Variants in RBFOX1 observed in about 807,000 individuals in gnomAD.
RBFOX1 encodes RNA binding fox-1 homolog 1.
RBFOX1 carries 8 observed loss-of-function variants against 57.7 expected under a neutral mutation model. That is an observed-to-expected ratio of 0.14 (90% CI 0.08 to 0.25). The LOEUF (loss-of-function observed/expected upper bound fraction) is 0.25, where lower values mean the gene tolerates loss of function less well. Among genes scored for constraint, RBFOX1 ranks in the 10% least tolerant of loss-of-function variants. RBFOX1 has a pLI of 1.00. For missense variants in RBFOX1, 611 were observed against 548.5 expected (o/e 1.11, Z -1.14); for synonymous variants, 326 against 222.4 (o/e 1.47, Z -4.15).
intron 1 of RBFOX1, among the ~76,000 whole-genome samples, chr16:6,077,643 C>G (rs2095925832): frequency 6.6e-6 from 1 of 151,886 alleles, no homozygotes; most frequent in African/African-American, 2.4e-5. Context: ...TGCCCATGCA[C>G]TTTTCCCCTG....
intron 4 of RBFOX1, among the ~76,000 whole-genome samples, chr16:7,278,054 A>G (rs544217762): frequency 3.3e-5 from 5 of 152,270 alleles, no homozygotes; most frequent in East Asian, 1.9e-4. Flanking sequence ...AGCATTGCCT[A>G]TCATTCAGTT....
chr16:7,653,819 A>G lies in RBFOX1; in HGVS notation c.762A>G (p.Pro254=). 1 of 1,608,102 alleles carries G rather than the reference A, an allele frequency of 6.2e-7. No homozygotes were observed. Among genetic ancestry groups the G allele is most frequent in the East Asian group, 2.2e-5 (1 of 44,820 alleles). The change falls in exon 12 of 16, where the codon CCA becomes CCG. Residue 254 remains proline, a synonymous_variant. Coordinates refer to ENST00000550418, the MANE Select transcript of RBFOX1 (RefSeq NM_018723.4). ...PSSLVYTSAM[P]GFPYPAATAA... Reference sequence around the variant, plus strand: ...CTCTCTCCTCTTGCCCCGCAGTGCCAGGCTTCCCGTATCCAGCAGCCACCG... The same window carrying G: ...CTCTCTCCTCTTGCCCCGCAGTGCCGGGCTTCCCGTATCCAGCAGCCACCG...
intron 3 of RBFOX1, among the ~76,000 whole-genome samples, chr16:6,753,804 C>T (rs2075350930): frequency 6.6e-6 from 1 of 152,104 alleles, no homozygotes. Flanking sequence ...AGGCTGTTGC[C>T]TGCTCTACAT....
intron 1 of RBFOX1, among the ~76,000 whole-genome samples, chr16:5,457,522 A>G (rs934264664): frequency 4.6e-5 from 7 of 152,176 alleles, no homozygotes; most frequent in Non-Finnish European, 1.0e-4. Context: ...CCCACCTCTG[A>G]AGAGCATCAC....
At chr16:7,232,826 C>T (rs950668502) in intron 4 of RBFOX1, among the ~76,000 whole-genome samples, 1 of 123,894 alleles carries the variant, frequency 8.1e-6, no homozygotes, top group Non-Finnish European at 1.6e-5. Context: ...CCAGCCTGGA[C>T]AACAAGAGTG....
chr16:5,659,938 A>G (rs2049590777), intron 3 of RBFOX1, among the ~76,000 whole-genome samples: 1 of 152,192 alleles, frequency 6.6e-6, no homozygotes, highest in African/African-American at 2.4e-5. Flanking sequence ...TATTTAATGC[A>G]TTAATACAGA....
intron 5 of RBFOX1, among the ~76,000 whole-genome samples, chr16:7,567,152 T>TATATATATATATCC (rs1491335053): frequency 8.0e-5 from 1 of 12,456 alleles, no homozygotes; most frequent in Non-Finnish European, 6.4e-4. Flanking sequence ...TATATATCCC[T>TATATATATATATCC]ATATATATAT....
At chr16:5,458,721 C>G (rs1209307908) in intron 1 of RBFOX1, among the ~76,000 whole-genome samples, 1 of 152,174 alleles carries the variant, frequency 6.6e-6, no homozygotes, top group Admixed American at 6.5e-5. Context: ...TATCTGTATT[C>G]CTAACAACAG....
At chr16:5,298,220 A>G (rs1040293675) in intron 1 of RBFOX1, among the ~76,000 whole-genome samples, 1 of 152,224 alleles carries the variant, frequency 6.6e-6, no homozygotes, top group South Asian at 2.1e-4. Context: ...TAATTATTAC[A>G]TGTTAGATCA....
intron 1 of RBFOX1, among the ~76,000 whole-genome samples, chr16:5,420,774 G>A (rs1023716648): frequency 5.3e-5 from 8 of 151,928 alleles, no homozygotes; most frequent in Non-Finnish European, 1.0e-4. Context: ...GGCCTCAAGC[G>A]ATTCACCTGC....
At chr16:7,104,073 T>C (rs1175901864) in intron 4 of RBFOX1, among the ~76,000 whole-genome samples, 2 of 152,180 alleles carry the variant, frequency 1.3e-5, no homozygotes, top group East Asian at 3.8e-4. Flanking sequence ...CTAAAAGCAA[T>C]CCTGCAATCC....
intron 14 of RBFOX1, among the ~76,000 whole-genome samples, chr16:7,690,706 A>T (rs2077126850): frequency 6.6e-6 from 1 of 152,026 alleles, no homozygotes; most frequent in African/African-American, 2.4e-5. Context: ...TATAGCGGAG[A>T]CATTCGTCTC....
chr16:6,153,840 A>G (rs534570043), intron 1 of RBFOX1, among the ~76,000 whole-genome samples: 1 of 152,084 alleles, frequency 6.6e-6, no homozygotes, highest in Non-Finnish European at 1.5e-5. Flanking sequence ...CCGGCCCATT[A>G]TATCATCTTA....
chr16:6,871,532 G>A (rs1473519), intron 3 of RBFOX1, among the ~76,000 whole-genome samples: 116,717 of 151,928 alleles, frequency 0.77, 45,956 homozygotes, highest in African/African-American at 0.94. Context: ...CTCATGCCCA[G>A]AGATCAACTC....
At chr16:5,508,100 A>G (rs1369715337) in intron 2 of RBFOX1, among the ~76,000 whole-genome samples, 1 of 152,188 alleles carries the variant, frequency 6.6e-6, no homozygotes, top group Non-Finnish European at 1.5e-5. Context: ...TTCTATTGCT[A>G]TGGAACAATA....
chr16:7,496,789 G>A (rs1457514187), intron 4 of RBFOX1, among the ~76,000 whole-genome samples: 2 of 140,990 alleles, frequency 1.4e-5, no homozygotes, highest in South Asian at 2.3e-4. Flanking sequence ...GCTCCAAATT[G>A]TATTTTCTTT....
At chr16:7,036,166 G>A (rs2044356261) in intron 3 of RBFOX1, among the ~76,000 whole-genome samples, 3 of 151,640 alleles carry the variant, frequency 2.0e-5, no homozygotes, top group African/African-American at 4.8e-5. Flanking sequence ...TTCCTTGTCT[G>A]GAGAATTGGT....
chr16:6,798,115 C>A (rs564374851), intron 3 of RBFOX1, among the ~76,000 whole-genome samples: 1 of 152,150 alleles, frequency 6.6e-6, no homozygotes, highest in African/African-American at 2.4e-5. Flanking sequence ...GCATCTAGCA[C>A]GCATTTAATA....
At chr16:7,020,908 C>G (rs934446081) in intron 3 of RBFOX1, among the ~76,000 whole-genome samples, 2 of 152,190 alleles carry the variant, frequency 1.3e-5, no homozygotes, top group African/African-American at 2.4e-5. Flanking sequence ...AGGCAAATCG[C>G]TTGAGGCCAG....
Sources: gnomAD v4.1 joint callset for allele counts (sites outside exome capture counted in the v4.1 genomes callset) on GRCh38, gnomAD v4.1.1 for gene constraint, MANE v1.5 for transcripts, NCBI Gene and HGNC (gene_info 2026-07-23, HGNC 2026-07-21) for gene names.